Variants in SPP1 observed in about 807,000 individuals in gnomAD.
The protein encoded by SPP1 is secreted phosphoprotein 1, also known as osteopontin.
SPP1 carries 18 observed loss-of-function variants against 20.8 expected under a neutral mutation model. That is an observed-to-expected ratio of 0.87 (90% confidence interval 0.60 to 1.29). SPP1 has a LOEUF of 1.29. Ranked by LOEUF, SPP1 falls within the 50% of genes most tolerant of loss-of-function variation. The pLI, the probability that SPP1 is intolerant of heterozygous loss-of-function variation, is 0.00. For missense variants in SPP1, 363 were observed against 389.0 expected, an observed-to-expected ratio of 0.93 and a Z score of 0.56; for synonymous variants, 146 against 141.5, an observed-to-expected ratio of 1.03 and a Z score of -0.23.
intron 1 of SPP1, 41 bp from the exon 2 acceptor site, chr4:87,976,841 C>G: frequency 2.1e-6 from 3 of 1,438,134 alleles, no homozygotes; most frequent in South Asian, 2.3e-5. Context: ...ACTGTTGTAA[C>G]CTATGAAGAT....
In SPP1 at chr4:87,982,583, T is replaced by A. The variant is rs373176702; in HGVS notation, c.632T>A (p.Leu211Gln). The A allele has an allele frequency of 9.3e-6, 15 of 1,614,164 alleles. No individual in the cohort carries two copies. Among genetic ancestry groups the A allele is most frequent in the Non-Finnish European group, 1.3e-5 (15 of 1,180,028 alleles). The change falls in exon 7 of 7, where the codon CTG becomes CAG. Residue 211 changes from leucine (L) to glutamine (Q), a missense_variant. Leu to Gln is a moderately radical substitution (Grantham distance 113). Coordinates refer to ENST00000395080, the MANE Select transcript of SPP1 (RefSeq NM_001040058.2). ...AAGGCCATCCCCGTTGCCCAGGACC[T>A]GAACGCGCCTTCTGATTGGGACAGC... Reference protein sequence around the residue: ...AYKAIPVAQDLNAPSDWDSRG... With the variant: ...AYKAIPVAQDQNAPSDWDSRG...
In SPP1 at chr4:87,981,540, T is replaced by C. The variant is rs4754; in HGVS notation, c.282T>C (p.Asp94=). Residue 94 remains aspartate, a synonymous_variant, in exon 6 of 7, where the codon GAT becomes GAC. Transcript: ENST00000395080. The part of the protein sequence containing the change: ...HMDDMDDEDD[D]DHVDSQDSID... Reference sequence around the variant, plus strand: ...ATGATATGGATGATGAAGATGATGATGACCATGTGGACAGCCAGGACTCCA... The same window carrying C: ...ATGATATGGATGATGAAGATGATGACGACCATGTGGACAGCCAGGACTCCA... The C allele has an allele frequency of 0.28, 451,989 of 1,613,978 alleles. 68,759 individuals carry two copies. The highest frequency in any genetic ancestry group is 0.68 in the East Asian group (30,470 of 44,850).
intron 3 of SPP1, 28 bp downstream of exon 3, chr4:87,977,125 T>C (rs1199726069): frequency 6.2e-7 from 1 of 1,603,448 alleles, no homozygotes; most frequent in Admixed American, 1.7e-5. Flanking sequence ...TTTTATATAG[T>C]TAAATCATTT....
Position 87,982,590 on chromosome 4 carries a change from G to A in SPP1, c.639G>A (p.Ala213=), listed in dbSNP as rs78045694. 2.7e-5 allele frequency: 43 copies of A among 1,614,014 alleles called. No individual in the cohort carries two copies. The highest frequency in any genetic ancestry group is 1.9e-4 in the African/African-American group (14 of 74,904). Reference sequence around the variant, plus strand: ...TCCCCGTTGCCCAGGACCTGAACGCGCCTTCTGATTGGGACAGCCGTGGGA... The same window carrying A: ...TCCCCGTTGCCCAGGACCTGAACGCACCTTCTGATTGGGACAGCCGTGGGA... The part of the protein sequence containing the change: ...KAIPVAQDLN[A]PSDWDSRGKD... The change falls in exon 7 of 7, where the codon GCG becomes GCA. Residue 213 remains alanine, a synonymous_variant. Transcript: ENST00000395080.
chr4:87,982,419 G>A lies in SPP1; in HGVS notation c.541-73G>A, dbSNP rs985175336. 1.5e-5 allele frequency: 23 copies of A among 1,520,668 alleles called. No homozygotes were observed. The African/African-American group carries it at 2.6e-4, about 17-fold the overall frequency. 94.2% of individuals were successfully genotyped at this position (1,520,668 alleles called of 1,614,324 possible). On this transcript the variant is annotated intron_variant, in intron 6 of 6. Transcript: ENST00000395080. ...AGTATAAGATGACCTAAAAGCTAGA[G>A]AGTGGAAAAGGATTACCATATTCCC...
At position 87,983,144 on chromosome 4, in the gene SPP1, G is replaced by A; in HGVS notation, c.*248G>A. The A allele has an allele frequency of 2.8e-6, 1 of 353,226 alleles. No homozygotes were observed. The highest frequency in any genetic ancestry group is 5.9e-5 in the South Asian group (1 of 16,970). 21.9% of individuals were successfully genotyped at this position (353,226 alleles called of 1,614,324 possible). A position where few individuals can be genotyped will look rare whatever the true frequency, so the allele number is the denominator to read the frequency against. The stretch of plus-strand genomic sequence containing the variant: ...TATAGAAGAAATGCAAACTATCACT[G>A]TATTTTAATATTTGTTATTCTCTCA... On this transcript the variant is annotated 3_prime_UTR_variant, in exon 7 of 7. Transcript: ENST00000395080.
intron 3 of SPP1, chr4:87,977,991 G>T: frequency 2.3e-6 from 1 of 427,594 alleles, no homozygotes; most frequent in Non-Finnish European, 3.2e-6. Context: ...TTTGAGGCAA[G>T]AATTAGCGTC....
Position 87,983,132 on chromosome 4 carries a change from C to T in SPP1, c.*236C>T. ...CTATGTTCATTCTATAGAAGAAATG[C>T]AAACTATCACTGTATTTTAATATTT... On this transcript the variant is annotated 3_prime_UTR_variant, in exon 7 of 7. Transcript: ENST00000395080. 1 of 396,718 alleles carries T rather than the reference C, an allele frequency of 2.5e-6. No individual in the cohort carries two copies. The highest frequency in any genetic ancestry group is 4.5e-6 in the Non-Finnish European group (1 of 223,210). 24.6% of individuals were successfully genotyped at this position (396,718 alleles called of 1,614,324 possible). A position where few individuals can be genotyped will look rare whatever the true frequency, so the allele number is the denominator to read the frequency against.
rs199647345 is a variant in SPP1, at chr4:87,981,736, G to A, written c.478G>A (p.Gly160Ser). Residue 160 changes from glycine to serine, a missense_variant, in exon 6 of 7, where the codon GGT becomes AGT. Coordinates refer to ENST00000395080, the MANE Select transcript of SPP1 (RefSeq NM_001040058.2). ...CACAGTAGACACATATGATGGCCGA[G>A]GTGATAGTGTGGTTTATGGACTGAG... ...VPTVDTYDGR[G>S]DSVVYGLRSK... 1.7e-4 allele frequency: 272 copies of A among 1,614,060 alleles called. No individual in the cohort carries two copies. The highest frequency in any genetic ancestry group is 2.2e-4 in the Non-Finnish European group (265 of 1,180,036).
At chr4:87,977,637 C>T (rs898375922) in intron 3 of SPP1, 1 of 1,104,792 alleles carries the variant, frequency 9.1e-7, no homozygotes, top group African/African-American at 1.7e-5. Context: ...ACCAACCAAA[C>T]TCTTTATTAT....
intron 3 of SPP1, among the ~76,000 whole-genome samples, chr4:87,979,297 T>A (rs1418790946): frequency 6.6e-6 from 1 of 151,548 alleles, no homozygotes; most frequent in African/African-American, 2.4e-5. Flanking sequence ...CCCCAGTAGC[T>A]GGGGGTACAG....
chr4:87,980,617 G>A (rs186640706), intron 5 of SPP1, 183 bp downstream of exon 5: 135 of 625,392 alleles, frequency 2.2e-4, no homozygotes, highest in Non-Finnish European at 3.3e-4. Context: ...CCTCGGATAA[G>A]TTTAGCATTA....
At position 87,982,852 on chromosome 4, in the gene SPP1, C is replaced by A. The variant is rs11544553; in HGVS notation, c.901C>A (p.Arg301Ser). The change falls in exon 7 of 7, where the codon CGT becomes AGT. Residue 301 changes from arginine to serine, a missense_variant. Transcript: ENST00000395080. ...SKEEDKHLKF[R>S]ISHELDSASS... ...GGAAGAAGATAAACACCTGAAATTT[C>A]GTATTTCTCATGAATTAGATAGTGC... 1 of 1,613,974 alleles carries A rather than the reference C, an allele frequency of 6.2e-7. No homozygotes were observed. The highest frequency in any genetic ancestry group is 8.5e-7 in the Non-Finnish European group (1 of 1,179,962).
At chr4:87,977,658 C>A (rs1028270531) in intron 3 of SPP1, 2 of 1,140,674 alleles carry the variant, frequency 1.8e-6, no homozygotes, top group Non-Finnish European at 2.2e-6. Context: ...AATTATTTGA[C>A]CAGCACTAAA....
At chr4:87,981,148 A>G (rs949612164) in intron 5 of SPP1, among the ~76,000 whole-genome samples, 3 of 152,244 alleles carry the variant, frequency 2.0e-5, no homozygotes, top group African/African-American at 4.8e-5. Context: ...CTATTACATC[A>G]TTGAATTTAG....
In SPP1 at chr4:87,983,149, T is replaced by A; in HGVS notation, c.*253T>A. ...AAGAAATGCAAACTATCACTGTATT[T>A]TAATATTTGTTATTCTCTCATGAAT... On this transcript the variant is annotated 3_prime_UTR_variant, in exon 7 of 7. Transcript: ENST00000395080. The A allele has an allele frequency of 3.0e-6, 1 of 334,180 alleles. No homozygotes were observed. Among genetic ancestry groups the A allele is most frequent in the Middle Eastern group, 8.2e-4 (1 of 1,222 alleles). 20.7% of individuals were successfully genotyped at this position (334,180 alleles called of 1,614,324 possible).
At position 87,980,404 on chromosome 4, in the gene SPP1, C is replaced by T; in HGVS notation, c.186C>T (p.Ser62=). The change falls in exon 5 of 7, where the codon TCC becomes TCT. Residue 62 remains serine, a synonymous_variant. Transcript: ENST00000395080. ...CATTCCTTCTTCAGAATGCTGTGTCCTCTGAAGAAACCAATGACTTTAAAC... is the reference window on the plus strand; with the variant it reads ...CATTCCTTCTTCAGAATGCTGTGTCTTCTGAAGAAACCAATGACTTTAAAC... ...QNLLAPQNAV[S]SEETNDFKQE... 6.2e-7 allele frequency: 1 copy of T among 1,614,140 alleles called. No homozygotes were observed. Among genetic ancestry groups the T allele is most frequent in the Non-Finnish European group, 8.5e-7 (1 of 1,180,012 alleles).
In SPP1 at chr4:87,977,235, T is replaced by G. The variant is rs1725416206; in HGVS notation, c.93+138T>G. 3.4e-6 allele frequency: 3 copies of G among 872,424 alleles called. No individual in the cohort carries two copies. The Admixed American group carries it at 6.6e-5, about 19-fold the overall frequency. 54.0% of individuals were successfully genotyped at this position (872,424 alleles called of 1,614,324 possible). ...TTACAAGTATTGATTGACTGCCTGCTATGAATCTAGGCCAGTACCAAGCAC... is the reference window on the plus strand; with the variant it reads ...TTACAAGTATTGATTGACTGCCTGCGATGAATCTAGGCCAGTACCAAGCAC... On this transcript the variant is annotated intron_variant, in intron 3 of 6. Transcript: ENST00000395080.
At position 87,980,296 on chromosome 4, in the gene SPP1, T is replaced by C. The variant is rs530640105; in HGVS notation, c.175-97T>C. 5.0e-5 allele frequency: 78 copies of C among 1,555,048 alleles called. No individual in the cohort carries two copies. In the South Asian group the frequency reaches 8.3e-4, roughly 17 times the overall value. On this transcript the variant is annotated intron_variant, in intron 4 of 6. Transcript: ENST00000395080. ...GTGTTAAGCCATCCACAGATGAGGC[T>C]GAAAAATAAAAACTGCTTTGGATTA... is the stretch of plus-strand genomic sequence containing the variant.
Sources: gnomAD v4.1 joint callset for allele counts (sites outside exome capture counted in the v4.1 genomes callset) on GRCh38, gnomAD v4.1.1 for gene constraint, MANE v1.5 for transcripts, NCBI Gene and HGNC (gene_info 2026-07-23, HGNC 2026-07-21) for gene names.